The following CHRM3 variants were observed in gnomAD, a reference collection of about 807,000 sequenced individuals.
The protein encoded by CHRM3 is cholinergic receptor muscarinic 3, also known as muscarinic acetylcholine receptor M3.
A neutral mutation model predicts 41.8 loss-of-function variants in CHRM3; 11 were observed. That is an observed-to-expected ratio of 0.26 (90% CI 0.17 to 0.44). The LOEUF is 0.44. Ranked by LOEUF, CHRM3 falls within the 20% of genes least tolerant of loss-of-function variation. The pLI is 1.00. For missense variants in CHRM3, 571 were observed against 745.4 expected, an observed-to-expected ratio of 0.77 and a Z score of 2.72; for synonymous variants, 297 against 301.4, an observed-to-expected ratio of 0.99 and a Z score of 0.15.
chr1:239,486,509 G>C (rs185868080), intron 1 of CHRM3, among the ~76,000 whole-genome samples: 3 of 152,162 alleles, frequency 2.0e-5, no homozygotes, highest in Admixed American at 2.0e-4. Flanking sequence ...ACACAATTTA[G>C]AACCAGAATT....
intron 6 of CHRM3, among the ~76,000 whole-genome samples, chr1:239,834,002 T>C (rs1673093276): frequency 6.6e-6 from 1 of 152,182 alleles, no homozygotes; most frequent in Non-Finnish European, 1.5e-5. Flanking sequence ...TCTATCTGTA[T>C]GCAAACAGAT....
intron 5 of CHRM3, among the ~76,000 whole-genome samples, chr1:239,680,319 C>T (rs1658436672): frequency 6.6e-6 from 1 of 152,112 alleles, no homozygotes. Flanking sequence ...AATCTGACTT[C>T]AGTCTTTGTT....
intron 3 of CHRM3, among the ~76,000 whole-genome samples, chr1:239,548,513 C>T (rs569368943): frequency 2.6e-4 from 39 of 152,314 alleles, no homozygotes; most frequent in African/African-American, 8.9e-4. Flanking sequence ...TTTGCACACA[C>T]CCATTTATTC....
intron 1 of CHRM3, among the ~76,000 whole-genome samples, chr1:239,444,559 G>A (rs1253748123): frequency 6.6e-6 from 1 of 152,032 alleles, no homozygotes; most frequent in Non-Finnish European, 1.5e-5. Flanking sequence ...AAGGAGAGAA[G>A]TCAAGTATGA....
chr1:239,465,304 C>CA (rs1048833810), intron 1 of CHRM3, among the ~76,000 whole-genome samples: 2 of 151,960 alleles, frequency 1.3e-5, no homozygotes, highest in African/African-American at 2.4e-5. Context: ...CAAAGAAAAG[C>CA]AAAAATCTGG....
chr1:239,602,110 G>GTGTGTGTGTGTGTGTATATA (rs1307023039), intron 3 of CHRM3, among the ~76,000 whole-genome samples: 4 of 112,860 alleles, frequency 3.5e-5, no homozygotes, highest in Admixed American at 1.8e-4. Context: ...GTGTGTGTGT[G>GTGTGTGTGTGTGTGTATATA]TATATATATA....
rs78301960 is a variant in CHRM3, at chr1:239,914,757, C to G, written c.*5533C>G. 1 of 166,944 alleles carries G rather than the reference C, an allele frequency of 6.0e-6. No homozygotes were observed. The allele number at this position is 166,944 out of a possible 1,614,324, so 10.3% of individuals were successfully genotyped here. ...CATAGTTTTCTGTGCAAGTGAAGAT[C>G]TGTAGTTTGGCTTAAAAATCCTTGC... On this transcript the variant is annotated 3_prime_UTR_variant, in exon 7 of 7. Transcript: ENST00000676153.
At chr1:239,898,945 C>T (rs958875163) in intron 6 of CHRM3, among the ~76,000 whole-genome samples, 2 of 152,106 alleles carry the variant, frequency 1.3e-5, no homozygotes, top group Non-Finnish European at 2.9e-5. Flanking sequence ...TAGAACTAAC[C>T]TTCAATTTCT....
intron 2 of CHRM3, among the ~76,000 whole-genome samples, chr1:239,522,819 C>T (rs1184196844): frequency 6.6e-6 from 1 of 152,202 alleles, no homozygotes; most frequent in Non-Finnish European, 1.5e-5. Flanking sequence ...GTTCATCCAT[C>T]ATTTGTGTCT....
intron 5 of CHRM3, among the ~76,000 whole-genome samples, chr1:239,720,979 T>C (rs1234461287): frequency 6.6e-6 from 1 of 151,944 alleles, no homozygotes; most frequent in Non-Finnish European, 1.5e-5. Flanking sequence ...TTTGAGAACA[T>C]ATATTTAAGC....
intron 4 of CHRM3, among the ~76,000 whole-genome samples, chr1:239,643,616 T>A (rs1196440073): frequency 3.3e-5 from 5 of 152,196 alleles, no homozygotes; most frequent in African/African-American, 1.2e-4. Context: ...TTTAAACCCG[T>A]CGGAAAAGTG....
intron 5 of CHRM3, among the ~76,000 whole-genome samples, chr1:239,715,183 A>C (rs1662213737): frequency 6.6e-6 from 1 of 151,664 alleles, no homozygotes; most frequent in Non-Finnish European, 1.5e-5. Context: ...TATCAACTTC[A>C]ATGAAGAACT....
rs1337462352 is a variant in CHRM3 at position 239,459,837 on chromosome 1, T to A, written c.-520-32872T>A. 2.0e-5 allele frequency among the ~76,000 whole-genome samples: 3 copies of A among 152,208 alleles called. No homozygotes were observed. In the South Asian group the frequency reaches 6.2e-4, roughly 32 times the overall value. On this transcript the variant is annotated intron_variant, in intron 1 of 6. Coordinates refer to ENST00000676153, the MANE Select transcript of CHRM3 (RefSeq NM_001375978.1). ...GTCCACATACCCTGAAGAAGTAATG[T>A]AAATGCATTAACAGATGGGATTTTG...
chr1:239,803,832 T>A (rs575156828), intron 5 of CHRM3, among the ~76,000 whole-genome samples: 4 of 152,274 alleles, frequency 2.6e-5, no homozygotes, highest in African/African-American at 9.6e-5. Context: ...GAATAGTGGG[T>A]CACCCACCCA....
intron 1 of CHRM3, among the ~76,000 whole-genome samples, chr1:239,407,417 T>TATATATATAGAGAGAGAGAGAGAGAG: frequency 7.5e-6 from 1 of 134,124 alleles, no homozygotes; most frequent in Non-Finnish European, 1.7e-5. Flanking sequence ...TATATATATA[T>TATATATATAGAGAGAGAGAGAGAGAG]AGAGAGAGAG....
At chr1:239,497,944 C>T (rs1667989441) in intron 2 of CHRM3, among the ~76,000 whole-genome samples, 1 of 152,124 alleles carries the variant, frequency 6.6e-6, no homozygotes, top group Admixed American at 6.6e-5. Context: ...ATTATGAAAC[C>T]TGAGCAAATC....
chr1:239,737,655 G>T (rs1664499593), intron 5 of CHRM3, among the ~76,000 whole-genome samples: 1 of 152,078 alleles, frequency 6.6e-6, no homozygotes, highest in African/African-American at 2.4e-5. Flanking sequence ...ACTGAGAGTT[G>T]ACCTAGGGTA....
At chr1:239,464,248 C>G (rs143786265) in intron 1 of CHRM3, among the ~76,000 whole-genome samples, 2,708 of 150,592 alleles carry the variant, frequency 0.018, 87 homozygotes, top group African/African-American at 0.063. Flanking sequence ...CCACTGCACT[C>G]CAGCCTGTGT....
chr1:239,427,901 G>T (rs368385401), intron 1 of CHRM3, among the ~76,000 whole-genome samples: 3 of 152,156 alleles, frequency 2.0e-5, no homozygotes, highest in Non-Finnish European at 4.4e-5. Flanking sequence ...AGAGTCCAAA[G>T]AATTCCCAGC....
Sources: allele counts gnomAD v4.1 joint callset (sites outside exome capture counted in the v4.1 genomes callset), GRCh38; gene constraint gnomAD v4.1.1; transcripts MANE v1.5; gene names NCBI Gene and HGNC (gene_info 2026-07-23, HGNC 2026-07-21).